AHCYL2: variants seen among roughly 807,000 people sequenced by gnomAD.
AHCYL2 encodes the protein adenosylhomocysteinase like 2, also known as S-adenosylhomocysteine hydrolase-like protein 2.
In AHCYL2, 28 loss-of-function variants were observed where a neutral mutation model predicts 81.4. The observed-to-expected ratio is 0.34, with a 90% CI of 0.25 to 0.47. The LOEUF (loss-of-function observed/expected upper bound fraction) is 0.47. Among genes scored for constraint, AHCYL2 ranks in the 20% least tolerant of loss-of-function variants. The pLI, the probability that AHCYL2 is intolerant of heterozygous loss-of-function variation, is 1.00. For missense variants in AHCYL2, 551 were observed against 785.1 expected (o/e 0.70, Z 3.56); for synonymous variants, 272 against 290.2 (o/e 0.94, Z 0.64).
intron 1 of AHCYL2, among the ~76,000 whole-genome samples, chr7:129,323,113 A>G (rs571216332): frequency 1.3e-5 from 2 of 152,116 alleles, no homozygotes; most frequent in African/African-American, 2.4e-5. Flanking sequence ...GTGGAAAAAA[A>G]TCTTCTGTTT....
At chr7:129,276,683 A>G (rs1279569454) in intron 1 of AHCYL2, among the ~76,000 whole-genome samples, 1 of 141,742 alleles carries the variant, frequency 7.1e-6, no homozygotes, top group Non-Finnish European at 1.5e-5. Flanking sequence ...TGGAAGGCAG[A>G]GGTTGCAGTA....
At chr7:129,253,687 C>T (rs1221052246) in intron 1 of AHCYL2, among the ~76,000 whole-genome samples, 1 of 152,206 alleles carries the variant, frequency 6.6e-6, no homozygotes, top group Non-Finnish European at 1.5e-5. Context: ...ACACAGCTCA[C>T]TACAGCTTCG....
intron 11 of AHCYL2, among the ~76,000 whole-genome samples, chr7:129,413,186 G>C (rs1221374023): frequency 1.4e-5 from 2 of 144,376 alleles, no homozygotes; most frequent in African/African-American, 5.3e-5. Flanking sequence ...CTGTCACCCA[G>C]GCTGGAGTGT....
chr7:129,335,560 G>C (rs1306700400), intron 1 of AHCYL2, among the ~76,000 whole-genome samples: 1 of 152,088 alleles, frequency 6.6e-6, no homozygotes, highest in Non-Finnish European at 1.5e-5. Flanking sequence ...GGCTCAGCTG[G>C]ATAATTCTCA....
intron 1 of AHCYL2, among the ~76,000 whole-genome samples, chr7:129,369,179 A>G (rs1010128491): frequency 6.6e-6 from 1 of 151,454 alleles, no homozygotes; most frequent in African/African-American, 2.4e-5. Flanking sequence ...GATAAGAACT[A>G]GCATATAAAC....
intron 1 of AHCYL2, among the ~76,000 whole-genome samples, chr7:129,330,130 A>AG (rs1208257671): frequency 6.6e-6 from 1 of 152,186 alleles, no homozygotes; most frequent in Non-Finnish European, 1.5e-5. Flanking sequence ...CAGCCTCCTG[A>AG]GTAGCTGGGA....
chr7:129,385,621 G>A (rs978193940), intron 2 of AHCYL2, among the ~76,000 whole-genome samples: 6 of 152,172 alleles, frequency 3.9e-5, no homozygotes, highest in Admixed American at 1.3e-4. Flanking sequence ...TCATTTATTC[G>A]TAAGATTTTT....
Position 129,430,031 on chromosome 7 carries a change from A to C in AHCYL2, c.*2986A>C, listed in dbSNP as rs907971475. 6.6e-6 allele frequency: 1 copy of C among 150,566 alleles called. No individual in the cohort carries two copies. The highest frequency in any genetic ancestry group is 2.4e-5 in the African/African-American group (1 of 41,076). The allele number at this position is 150,566 out of a possible 1,614,324, so 9.3% of individuals were successfully genotyped here. On this transcript the variant is annotated 3_prime_UTR_variant, in exon 17 of 17. Coordinates refer to ENST00000325006, the MANE Select transcript of AHCYL2 (RefSeq NM_015328.4). ...AAACTCTATATATACATATATATAT[A>C]TATATCTATATATCTATATACGTAA...
intron 10 of AHCYL2, among the ~76,000 whole-genome samples, chr7:129,407,346 T>C (rs892546210): frequency 4.6e-5 from 7 of 152,134 alleles, no homozygotes; most frequent in Non-Finnish European, 8.8e-5. Flanking sequence ...AGCAAGACCA[T>C]GTCTCAAAAT....
chr7:129,270,318 T>G (rs144047018), intron 1 of AHCYL2, among the ~76,000 whole-genome samples: 27 of 152,318 alleles, frequency 1.8e-4, no homozygotes, highest in African/African-American at 6.0e-4. Context: ...GTTCCAATGA[T>G]AAAAATAGTA....
intron 1 of AHCYL2, among the ~76,000 whole-genome samples, chr7:129,246,082 G>A (rs1275418450): frequency 1.3e-5 from 2 of 148,764 alleles, no homozygotes; most frequent in South Asian, 2.1e-4. Flanking sequence ...TTTTTGAGAC[G>A]GAGTTTCACT....
chr7:129,389,163 G>A lies in AHCYL2; in HGVS notation c.583G>A (p.Glu195Lys). The A allele has an allele frequency of 6.2e-7, 1 of 1,614,010 alleles. No individual in the cohort carries two copies. The highest frequency in any genetic ancestry group is 8.5e-7 in the Non-Finnish European group (1 of 1,179,918). ...DFCVKNIKQA[E>K]FGRREIEIAE... Reference sequence around the variant, plus strand: ...CTGTGTTAAGAACATCAAACAGGCAGAGTTTGGACGAAGAGAAATTGAAAT... The same window carrying A: ...CTGTGTTAAGAACATCAAACAGGCAAAGTTTGGACGAAGAGAAATTGAAAT... Residue 195 changes from glutamate to lysine, a missense_variant, in exon 3 of 17, where the codon GAG becomes AAG. Transcript: ENST00000325006.
rs1189719092 is a variant in AHCYL2, at chr7:129,237,240, AT to A, written c.363+11805del. ...CTGTTTATATGGTTGTATTTATTAT[AT>A]TTTGGTCTTCAATCCATCTGGAATT... is the stretch of plus-strand genomic sequence containing the variant. On this transcript the variant is annotated intron_variant, in intron 1 of 16. Transcript: ENST00000325006. Among the ~76,000 whole-genome samples, 7 of 152,130 alleles carry A rather than the reference AT, an allele frequency of 4.6e-5. No individual in the cohort carries two copies. In the East Asian group the frequency reaches 1.4e-3, roughly 29 times the overall value.
chr7:129,325,863 G>A (rs542123347), intron 1 of AHCYL2, among the ~76,000 whole-genome samples: 8 of 151,890 alleles, frequency 5.3e-5, no homozygotes, highest in South Asian at 2.1e-4. Context: ...GTGCCACTAC[G>A]CCTGGCTAAT....
chr7:129,389,003 T>A, intron 2 of AHCYL2, 53 bp from the exon 3 acceptor site: 1 of 1,589,608 alleles, frequency 6.3e-7, no homozygotes, highest in Non-Finnish European at 8.5e-7. Context: ...TGGTTTGGAA[T>A]TTTAGAGGAA....
At chr7:129,422,968 C>G (rs1387036843) in intron 13 of AHCYL2, 30 bp downstream of exon 13, 4 of 1,600,348 alleles carry the variant, frequency 2.5e-6, no homozygotes, top group Non-Finnish European at 3.4e-6. Context: ...AAATACTCCC[C>G]CACAACAGGA....
chr7:129,274,960 G>A (rs550254654), intron 1 of AHCYL2, among the ~76,000 whole-genome samples: 2 of 152,148 alleles, frequency 1.3e-5, no homozygotes, highest in Non-Finnish European at 2.9e-5. Context: ...CCCAGACATC[G>A]TCAATCAGAG....
intron 1 of AHCYL2, among the ~76,000 whole-genome samples, chr7:129,301,876 T>C (rs560757719): frequency 6.6e-6 from 1 of 151,758 alleles, no homozygotes; most frequent in African/African-American, 2.4e-5. Flanking sequence ...ATTTTAGGAT[T>C]TTTTTTTTCT....
At chr7:129,248,500 TTC>T (rs1234973956) in intron 1 of AHCYL2, among the ~76,000 whole-genome samples, 1 of 63,298 alleles carries the variant, frequency 1.6e-5, no homozygotes, top group East Asian at 5.7e-4. Flanking sequence ...TTACTATTTT[TTC>T]TTTTTTTCTT....
Sources: allele counts gnomAD v4.1 joint callset (sites outside exome capture counted in the v4.1 genomes callset), GRCh38; gene constraint gnomAD v4.1.1; transcripts MANE v1.5; gene names NCBI Gene and HGNC (gene_info 2026-07-23, HGNC 2026-07-21).